Variants in MMP26 observed in about 807,000 individuals in gnomAD.
The protein encoded by MMP26 is matrix metalloproteinase-26.
A neutral mutation model predicts 31.0 loss-of-function variants in MMP26; 33 were observed. The observed-to-expected ratio is 1.06, with a 90% CI of 0.81 to 1.42. The LOEUF (loss-of-function observed/expected upper bound fraction) is 1.42. Ranked by LOEUF, MMP26 falls within the 40% of genes most tolerant of loss-of-function variation. MMP26 has a pLI of 0.00. For missense variants in MMP26, 347 were observed against 316.1 expected (o/e 1.10, Z -0.74); for synonymous variants, 122 against 114.9 (o/e 1.06, Z -0.40).
chr11:4,801,519 TA>T (rs1849182069), intron 2 of MMP26, among the ~76,000 whole-genome samples: 3 of 129,214 alleles, frequency 2.3e-5, no homozygotes, highest in South Asian at 2.6e-4. Context: ...TTTATTTATT[TA>T]TTTATTTATT....
intron 2 of MMP26, among the ~76,000 whole-genome samples, chr11:4,807,265 T>C (rs1044267050): frequency 2.6e-5 from 4 of 152,142 alleles, no homozygotes; most frequent in African/African-American, 9.7e-5. Context: ...CCTTCCATAA[T>C]GGTTGAACTA....
At chr11:4,931,958 C>T (rs144453343) in intron 2 of MMP26, among the ~76,000 whole-genome samples, 13 of 152,176 alleles carry the variant, frequency 8.5e-5, no homozygotes, top group South Asian at 2.1e-4. Flanking sequence ...TTCTTTTCTA[C>T]TCCTTATCAT....
intron 2 of MMP26, among the ~76,000 whole-genome samples, chr11:4,780,282 A>G (rs927638300): frequency 6.6e-6 from 1 of 152,166 alleles, no homozygotes; most frequent in Non-Finnish European, 1.5e-5. Context: ...TTGTAAGGAT[A>G]TAGCAAACAA....
chr11:4,823,294 C>T (rs954568421), intron 2 of MMP26, among the ~76,000 whole-genome samples: 3 of 152,168 alleles, frequency 2.0e-5, no homozygotes, highest in African/African-American at 7.2e-5. Context: ...TCTTACATCT[C>T]TTCTAACAAA....
chr11:4,949,018 T>C lies in MMP26; in HGVS notation c.-144-39050T>C, dbSNP rs1193301606. Among the ~76,000 whole-genome samples the C allele has an allele frequency of 1.6e-5, 2 of 124,694 alleles. 1 individual carries two copies. Among genetic ancestry groups the C allele is most frequent in the Non-Finnish European group, 3.6e-5 (2 of 54,862 alleles). 81.8% of individuals were successfully genotyped at this position (124,694 alleles called of 152,430 possible). A position where few individuals can be genotyped will look rare whatever the true frequency, so the allele number is the denominator to read the frequency against. ...CAAGGACATGTGCTCATTGGCTCAA[T>C]GTTCATGTGTTCATTGGCTCAATGT... On this transcript the variant is annotated intron_variant, in intron 2 of 7. Transcript: ENST00000380390.
At chr11:4,986,960 C>CTCCCTCT (rs1846908730) in intron 2 of MMP26, among the ~76,000 whole-genome samples, 1 of 53,336 alleles carries the variant, frequency 1.9e-5, no homozygotes, top group Non-Finnish European at 3.7e-5. Flanking sequence ...TCTCTCTCTC[C>CTCCCTCT]CTCTCTCTCT....
intron 2 of MMP26, among the ~76,000 whole-genome samples, chr11:4,953,870 G>A (rs1399672465): frequency 1.6e-5 from 2 of 124,682 alleles, no homozygotes; most frequent in African/African-American, 5.5e-5. Context: ...TGGCCAACAT[G>A]GTGAAACCCT....
chr11:4,922,663 AT>A (rs1270525548), intron 2 of MMP26, among the ~76,000 whole-genome samples: 6 of 152,170 alleles, frequency 3.9e-5, no homozygotes, highest in Non-Finnish European at 7.4e-5. Flanking sequence ...TTTCTTTTAC[AT>A]TTTTACTCTT....
At chr11:4,884,270 T>C (rs750180623) in intron 2 of MMP26, among the ~76,000 whole-genome samples, 12 of 152,202 alleles carry the variant, frequency 7.9e-5, no homozygotes, top group Middle Eastern at 3.4e-3. Context: ...CAATTATAAG[T>C]AAAATTCGGT....
chr11:4,917,112 A>G (rs1851106457), intron 2 of MMP26, among the ~76,000 whole-genome samples: 1 of 151,826 alleles, frequency 6.6e-6, no homozygotes, highest in Non-Finnish European at 1.5e-5. Context: ...TTAATCCAGT[A>G]TTTAGAACAT....
Position 4,868,615 on chromosome 11 carries a change from T to G in MMP26, c.-145+101274T>G, listed in dbSNP as rs114084876. 5.8e-3 allele frequency among the ~76,000 whole-genome samples: 884 copies of G among 152,246 alleles called. 4 individuals are homozygous for G. Among genetic ancestry groups the G allele is most frequent in the African/African-American group, 0.02 (851 of 41,542 alleles). ...ATTCCATGCTCTTTGATAGGAAGAA[T>G]CGATATCACGAAAATGGCCACACTG... On this transcript the variant is annotated intron_variant, in intron 2 of 7. Coordinates refer to ENST00000380390, the MANE Select transcript of MMP26 (RefSeq NM_021801.5).
At chr11:4,849,224 GT>G in intron 2 of MMP26, 1 of 1,578,958 alleles carries the variant, frequency 6.3e-7, no homozygotes, top group Non-Finnish European at 8.6e-7. Flanking sequence ...AGGATTCCAC[GT>G]TGAACTCTGG....
At chr11:4,876,994 T>C (rs1008933259) in intron 2 of MMP26, 22 of 153,440 alleles carry the variant, frequency 1.4e-4, no homozygotes, top group African/African-American at 5.3e-4. Context: ...ATCAGCAAGA[T>C]TGCAGCAGCC....
intron 2 of MMP26, among the ~76,000 whole-genome samples, chr11:4,790,199 G>C (rs1273946069): frequency 6.6e-6 from 1 of 151,978 alleles, no homozygotes; most frequent in Non-Finnish European, 1.5e-5. Flanking sequence ...AAATTAGCCG[G>C]GTGTGGTGGC....
chr11:4,764,692 T>G (rs1231672377), intron 1 of MMP26, among the ~76,000 whole-genome samples: 1 of 152,088 alleles, frequency 6.6e-6, no homozygotes, highest in Non-Finnish European at 1.5e-5. Flanking sequence ...ACTAACACGG[T>G]GAAACCCCGT....
chr11:4,891,896 T>C (rs1375069096), intron 2 of MMP26, among the ~76,000 whole-genome samples: 3 of 152,244 alleles, frequency 2.0e-5, no homozygotes, highest in Non-Finnish European at 4.4e-5. Context: ...TTTTTCTCCC[T>C]GGAATTATAA....
chr11:4,752,417 G>A (rs1313438238), intron 1 of MMP26: 1 of 151,690 alleles, frequency 6.6e-6, no homozygotes, highest in Non-Finnish European at 1.5e-5. Flanking sequence ...CTGAACATGA[G>A]AGTTTCATCA....
intron 2 of MMP26, among the ~76,000 whole-genome samples, chr11:4,861,109 C>G (rs71480732): frequency 0.095 from 14,068 of 148,298 alleles, 850 homozygotes; most frequent in Middle Eastern, 0.17. Context: ...ATATATACTT[C>G]CATATGTATA....
At chr11:4,746,746 A>T (rs1038693504) in intron 1 of MMP26, among the ~76,000 whole-genome samples, 4 of 151,676 alleles carry the variant, frequency 2.6e-5, no homozygotes, top group Non-Finnish European at 5.9e-5. Context: ...AGGCAGGAGA[A>T]TCACTTGAAC....
Sources: allele counts gnomAD v4.1 joint callset (sites outside exome capture counted in the v4.1 genomes callset), GRCh38; gene constraint gnomAD v4.1.1; transcripts MANE v1.5; gene names NCBI Gene and HGNC (gene_info 2026-07-23, HGNC 2026-07-21).